The following GCN1 variants were observed in gnomAD, a reference collection of about 807,000 sequenced individuals.
GCN1 encodes the protein GCN1 activator of EIF2AK4.
A neutral mutation model predicts 288.4 loss-of-function variants in GCN1; 90 were observed. The ratio of observed to expected loss-of-function variants is 0.31; its 90% CI spans 0.26 to 0.37. The LOEUF is 0.37. Ranked by LOEUF, GCN1 falls within the 10% of genes least tolerant of loss-of-function variation. The pLI is 1.00. For missense variants in GCN1, 2,586 were observed against 3,419.9 expected, an observed-to-expected ratio of 0.76 and a Z score of 6.08; for synonymous variants, 1,386 against 1,420.2, an observed-to-expected ratio of 0.98 and a Z score of 0.54.
intron 33 of GCN1, among the ~76,000 whole-genome samples, chr12:120,152,681 T>C (rs1434809015): frequency 7.1e-6 from 1 of 141,416 alleles, no homozygotes; most frequent in Non-Finnish European, 1.5e-5. Flanking sequence ...TATAAATATA[T>C]ATATATTTAT....
Position 120,138,809 on chromosome 12 carries a change from C to T in GCN1, c.6042G>A (p.Leu2014=), listed in dbSNP as rs1167527497. Residue 2014 remains leucine (L), a synonymous_variant, in exon 46 of 58, where the codon TTG becomes TTA. Coordinates refer to ENST00000300648, the MANE Select transcript of GCN1 (RefSeq NM_006836.2). ...ESLVPTARKA[L]CDPLEEVREA... ...CTCTGACCTCCTCCAGTGGGTCACA[C>T]AAAGCCTTCCTTGCCGTGGGCACGA... 6.2e-7 allele frequency: 1 copy of T among 1,614,062 alleles called. No individual in the cohort carries two copies. The highest frequency in any genetic ancestry group is 8.5e-7 in the Non-Finnish European group (1 of 1,179,900).
chr12:120,135,003 T>C (rs1026864222), intron 51 of GCN1, among the ~76,000 whole-genome samples: 4 of 152,208 alleles, frequency 2.6e-5, no homozygotes, highest in Non-Finnish European at 5.9e-5. Context: ...TTGGCTGCGT[T>C]GGGGTTTGGC....
intron 5 of GCN1, among the ~76,000 whole-genome samples, chr12:120,180,347 TG>T (rs1403443070): frequency 1.3e-5 from 2 of 151,216 alleles, no homozygotes; most frequent in Non-Finnish European, 2.9e-5. Context: ...CCAGGTGCAA[TG>T]GTTCACGCCT....
intron 22 of GCN1, among the ~76,000 whole-genome samples, chr12:120,161,138 A>C (rs1198786497): frequency 2.0e-5 from 3 of 152,188 alleles, no homozygotes; most frequent in South Asian, 2.1e-4. Context: ...CAGAAGTCCC[A>C]CTGTACCAGG....
In GCN1 at chr12:120,158,017, C is replaced by G; in HGVS notation, c.2919G>C (p.Leu973Phe). Residue 973 changes from leucine to phenylalanine, a missense_variant, in exon 26 of 58, where the codon TTG becomes TTC. Physicochemically the swap from Leu to Phe is conservative, Grantham distance 22. Around this residue, in one of 8 missense-constraint regions of GCN1, gnomAD observed 153 missense variants for 252.0 expected, o/e 0.61. Transcript: ENST00000300648. The surrounding 1 kb of genome is among the most constrained non-coding windows in gnomAD (Gnocchi z 4.3). ...AGACTAAGGAGAAGGCTGGCGCGGACAAGGGCGCAGCACCTGTGAGAGCGA... is the reference window on the plus strand; with the variant it reads ...AGACTAAGGAGAAGGCTGGCGCGGAGAAGGGCGCAGCACCTGTGAGAGCGA... ...VGKGEPGAAPLSAPAFSLVFP... is the reference protein window; with the variant it reads ...VGKGEPGAAPFSAPAFSLVFP... 6.2e-7 allele frequency: 1 copy of G among 1,613,832 alleles called. No homozygotes were observed. The highest frequency in any genetic ancestry group is 8.5e-7 in the Non-Finnish European group (1 of 1,180,006).
intron 51 of GCN1, among the ~76,000 whole-genome samples, chr12:120,135,555 G>A (rs1346210316): frequency 6.6e-6 from 1 of 151,930 alleles, no homozygotes; most frequent in Non-Finnish European, 1.5e-5. Flanking sequence ...TAGAGACAGG[G>A]TTTCTCCATG....
intron 2 of GCN1, 22 bp from the exon 3 acceptor site, chr12:120,184,909 A>G: frequency 6.4e-7 from 1 of 1,564,814 alleles, no homozygotes; most frequent in Admixed American, 1.7e-5. Context: ...GATTACACAG[A>G]CAGCGGTCAA....
In GCN1 at chr12:120,161,587, A is replaced by T; in HGVS notation, c.2343-4T>A. On this transcript the variant is annotated splice_polypyrimidine_tract_variant and splice_region_variant and intron_variant, in intron 21 of 57. Coordinates refer to ENST00000300648, the MANE Select transcript of GCN1 (RefSeq NM_006836.2). ...TTTTATGCTGTCCTGCTGGGCACTG[A>T]AACACCAGAGTGGGTCATCAGCCAG... The T allele has an allele frequency of 6.2e-7, 1 of 1,607,830 alleles. No individual in the cohort carries two copies. Among genetic ancestry groups the T allele is most frequent in the South Asian group, 1.1e-5 (1 of 90,952 alleles).
At chr12:120,184,050 C>T in intron 4 of GCN1, 62 bp downstream of exon 4, 1 of 1,440,390 alleles carries the variant, frequency 6.9e-7, no homozygotes, top group South Asian at 1.3e-5. Context: ...CAGTCAACTG[C>T]ATCAGCTTCT....
At chr12:120,171,437 A>C (rs960593790) in intron 14 of GCN1, among the ~76,000 whole-genome samples, 13 of 152,178 alleles carry the variant, frequency 8.5e-5, no homozygotes, top group African/African-American at 3.1e-4. Context: ...ACTACACTAC[A>C]GCCTGGGTGA....
At chr12:120,187,648 A>T (rs1377202370) in intron 2 of GCN1, among the ~76,000 whole-genome samples, 1 of 152,050 alleles carries the variant, frequency 6.6e-6, no homozygotes, top group Non-Finnish European at 1.5e-5. Context: ...GCTGGAAAGC[A>T]GTAGCACAAT....
At chr12:120,176,273 A>G (rs1878479481) in intron 9 of GCN1, 56 bp from the exon 10 acceptor site, 16 of 1,196,712 alleles carry the variant, frequency 1.3e-5, no homozygotes, top group Non-Finnish European at 1.9e-5. Context: ...TTCAACAGAT[A>G]ATTTTGTTCC....
chr12:120,180,347 T>C (rs1285810059), intron 5 of GCN1, among the ~76,000 whole-genome samples: 1 of 151,216 alleles, frequency 6.6e-6, no homozygotes, highest in East Asian at 1.9e-4. Context: ...CCAGGTGCAA[T>C]GGTTCACGCC....
chr12:120,160,236 C>T lies in GCN1; in HGVS notation c.2456G>A (p.Gly819Asp). 6.2e-7 allele frequency: 1 copy of T among 1,611,852 alleles called. No individual in the cohort carries two copies. Among genetic ancestry groups the T allele is most frequent in the Non-Finnish European group, 8.5e-7 (1 of 1,179,414 alleles). Reference sequence around the variant, plus strand: ...GGTCAGCTGCACCTCCTCTTTGATGCCTTTCTTCTTCTTTATCTCCTAAAG... The same window carrying T: ...GGTCAGCTGCACCTCCTCTTTGATGTCTTTCTTCTTCTTTATCTCCTAAAG... ...ELKEEIKKKK[G>D]IKEEVQLTSK... The change falls in exon 23 of 58, where the codon GGC becomes GAC. Residue 819 changes from glycine (G) to aspartate (D), a missense_variant. Transcript: ENST00000300648.
Position 120,184,223 on chromosome 12 carries a change from G to A in GCN1, c.206C>T (p.Ala69Val), listed in dbSNP as rs1878751700. 2 of 1,613,640 alleles carry A rather than the reference G, an allele frequency of 1.2e-6. No homozygotes were observed. The highest frequency in any genetic ancestry group is 1.7e-6 in the Non-Finnish European group (2 of 1,179,838). Residue 69 changes from alanine to valine, a missense_variant, in exon 4 of 58, where the codon GCC (alanine) becomes GTC (valine). Physicochemically the swap from Ala to Val is moderately conservative, Grantham distance 64 (BLOSUM62 0). Coordinates refer to ENST00000300648, the MANE Select transcript of GCN1 (RefSeq NM_006836.2). Reference sequence around the variant, plus strand: ...CAACTGCTGGATGGCTGCCTGCAAGGCCCTGCGGGAGGCTGCATCTCTAGG... The same window carrying A: ...CAACTGCTGGATGGCTGCCTGCAAGACCCTGCGGGAGGCTGCATCTCTAGG... The part of the protein sequence containing the change: ...HRYRDAASRR[A>V]LQAAIQQLAE...
intron 56 of GCN1, among the ~76,000 whole-genome samples, 186 bp from the exon 57 acceptor site, chr12:120,129,680 C>T (rs909713612): frequency 2.6e-5 from 4 of 152,154 alleles, no homozygotes; most frequent in Admixed American, 2.6e-4. Flanking sequence ...TCTCCCCTTG[C>T]TCACTACTCT....
In GCN1 at chr12:120,176,177, G is replaced by A; in HGVS notation, c.879C>T (p.Ser293=). Residue 293 remains serine, a synonymous_variant, in exon 10 of 58, where the codon AGC becomes AGT. Coordinates refer to ENST00000300648, the MANE Select transcript of GCN1 (RefSeq NM_006836.2). ...CTTTCACGATGTCCATGGCATACTG[G>A]CTGAGGTCAAGCGTCACTGATGCCA... is the stretch of plus-strand genomic sequence containing the variant. ...SLLASVTLDL[S]QYAMDIVKGL... is the part of the protein sequence containing the mutation. 1.2e-6 allele frequency: 2 copies of A among 1,612,344 alleles called. No homozygotes were observed. Among genetic ancestry groups the A allele is most frequent in the South Asian group, 1.1e-5 (1 of 91,034 alleles).
intron 34 of GCN1, 150 bp downstream of exon 34, chr12:120,150,994 CG>C: frequency 2.5e-6 from 2 of 815,948 alleles, no homozygotes; most frequent in Non-Finnish European, 3.9e-6. Flanking sequence ...GCAGCAAGGA[CG>C]CAGCTGGACT....
Position 120,178,951 on chromosome 12 carries a change from C to T in GCN1, c.427-1G>A. 1 of 1,612,520 alleles carries T rather than the reference C, an allele frequency of 6.2e-7. No individual in the cohort carries two copies. The highest frequency in any genetic ancestry group is 8.5e-7 in the Non-Finnish European group (1 of 1,179,444). On this transcript the variant is annotated splice_acceptor_variant, in intron 5 of 57. Coordinates refer to ENST00000300648, the MANE Select transcript of GCN1 (RefSeq NM_006836.2). LOFTEE classifies it high-confidence loss of function. ...GCAAGAGCAGGCACTGCACTTCCAC[C>T]TGCCAGGACCAGGGAAGACTCAGGT...
Sources: allele counts gnomAD v4.1 joint callset (sites outside exome capture counted in the v4.1 genomes callset), GRCh38; gene constraint gnomAD v4.1.1; regional missense constraint gnomAD v4.1.1; non-coding constraint Gnocchi (gnomAD v3.1); transcripts MANE v1.5; gene names NCBI Gene and HGNC (gene_info 2026-07-23, HGNC 2026-07-21).